NEDD4L: variants seen among roughly 807,000 people sequenced by gnomAD.
NEDD4L encodes E3 ubiquitin-protein ligase NEDD4-like.
In NEDD4L, 54 loss-of-function variants were observed where a neutral mutation model predicts 148.9. That is an observed-to-expected ratio of 0.36 (90% CI 0.29 to 0.45). The LOEUF is 0.45. NEDD4L is among the 20% of genes least tolerant of loss of function. The pLI is 1.00. For missense variants in NEDD4L, 856 were observed against 1,233.8 expected (o/e 0.69, Z 4.59); for synonymous variants, 433 against 440.7 (o/e 0.98, Z 0.22).
At position 58,198,856 on chromosome 18, in the gene NEDD4L, G is replaced by T. The variant is rs78157791; in HGVS notation, c.122+32995G>T. On this transcript the variant is annotated intron_variant, in intron 2 of 30. Transcript: ENST00000400345. Reference sequence around the variant, plus strand: ...TTTCACTCTGTCACCCAGGTCTGGAGTGCAGTGGCGCAATCTCCGCTCACA... The same window carrying T: ...TTTCACTCTGTCACCCAGGTCTGGATTGCAGTGGCGCAATCTCCGCTCACA... Among the ~76,000 whole-genome samples the T allele has an allele frequency of 4.3e-3, 650 of 152,296 alleles. 10 individuals carry two copies. The East Asian group carries it at 0.051, about 12-fold the overall frequency.
intron 2 of NEDD4L, among the ~76,000 whole-genome samples, chr18:58,172,511 C>G (rs2037635216): frequency 6.6e-6 from 1 of 152,140 alleles, no homozygotes; most frequent in Non-Finnish European, 1.5e-5. Context: ...CTCGTTGGGT[C>G]CTCCCAGCAA....
chr18:58,310,718 C>T (rs1450025429), intron 5 of NEDD4L, among the ~76,000 whole-genome samples: 1 of 152,208 alleles, frequency 6.6e-6, no homozygotes, highest in Non-Finnish European at 1.5e-5. Context: ...GGAAAAGGAA[C>T]ATTCTGCCTT....
At chr18:58,220,885 C>T (rs113768052) in intron 2 of NEDD4L, among the ~76,000 whole-genome samples, 2 of 152,106 alleles carry the variant, frequency 1.3e-5, no homozygotes, top group African/African-American at 4.8e-5. Context: ...ACCCCTCAAA[C>T]GAGGACATGG....
Position 58,335,461 on chromosome 18 carries a change from T to C in NEDD4L, c.1066-17T>C. ...ATCCCCTAAGTGCATTTCACTGATG[T>C]AAATTATCATTCACAGCCCAGTGCC... On this transcript the variant is annotated splice_polypyrimidine_tract_variant and intron_variant, in intron 12 of 30. Coordinates refer to ENST00000400345, the MANE Select transcript of NEDD4L (RefSeq NM_001144967.3). The C allele has an allele frequency of 1.1e-5, 17 of 1,611,194 alleles. No individual in the cohort carries two copies. Among genetic ancestry groups the C allele is most frequent in the Non-Finnish European group, 1.4e-5 (17 of 1,177,452 alleles).
chr18:58,056,907 T>TTTTG lies in NEDD4L; in HGVS notation c.48+12211_48+12214dup, dbSNP rs1555677526. ...GAGCTATGCCCTCTTTTTTTTTTTT[T>TTTTG]TTTGTTTGTTTGTTTATAACTGTGT... On this transcript the variant is annotated intron_variant, in intron 1 of 30. Transcript: ENST00000400345. 5.3e-3 allele frequency among the ~76,000 whole-genome samples: 787 copies of TTTTG among 148,126 alleles called. 12 individuals carry two copies. The highest frequency in any genetic ancestry group is 0.018 in the African/African-American group (718 of 39,760).
chr18:58,318,428 A>T (rs2058484001), intron 6 of NEDD4L, among the ~76,000 whole-genome samples: 1 of 152,194 alleles, frequency 6.6e-6, no homozygotes, highest in African/African-American at 2.4e-5. Flanking sequence ...ATGGTGGCAC[A>T]TGCCTGTTGC....
At chr18:58,121,216 A>G (rs1256853431) in intron 1 of NEDD4L, among the ~76,000 whole-genome samples, 1 of 152,126 alleles carries the variant, frequency 6.6e-6, no homozygotes, top group African/African-American at 2.4e-5. Flanking sequence ...AAGGATTCTC[A>G]CGTGTGTTAT....
At chr18:58,090,947 G>A (rs920216706) in intron 1 of NEDD4L, 4 of 152,362 alleles carry the variant, frequency 2.6e-5, no homozygotes, top group African/African-American at 9.6e-5. Context: ...CAGGTCCCCT[G>A]TCCAGGAAGT....
At chr18:58,202,610 C>T (rs1173091390) in intron 2 of NEDD4L, among the ~76,000 whole-genome samples, 1 of 152,222 alleles carries the variant, frequency 6.6e-6, no homozygotes, top group Admixed American at 6.5e-5. Context: ...CCTCCTGGTG[C>T]GCTCCTCCAG....
intron 1 of NEDD4L, among the ~76,000 whole-genome samples, chr18:58,080,301 C>T (rs1599122755): frequency 6.6e-6 from 1 of 152,358 alleles, no homozygotes; most frequent in East Asian, 1.9e-4. Flanking sequence ...AGCAGTTTCA[C>T]ACGAGCGTCT....
intron 1 of NEDD4L, among the ~76,000 whole-genome samples, chr18:58,073,600 A>G (rs1186400218): frequency 6.6e-6 from 1 of 152,244 alleles, no homozygotes; most frequent in Non-Finnish European, 1.5e-5. Context: ...TAGGTGAAAG[A>G]AGTCAGACAC....
chr18:58,122,037 T>C lies in NEDD4L; in HGVS notation c.49-43751T>C, dbSNP rs184060465. On this transcript the variant is annotated intron_variant, in intron 1 of 30. Transcript: ENST00000400345. Reference sequence around the variant, plus strand: ...TCGTTCTGCTCAGAGCTTTGTTTTATTAAAATCAGTGCCTGGGAGTTGCTC... The same window carrying C: ...TCGTTCTGCTCAGAGCTTTGTTTTACTAAAATCAGTGCCTGGGAGTTGCTC... 5.9e-5 allele frequency among the ~76,000 whole-genome samples: 9 copies of C among 152,386 alleles called. No individual in the cohort carries two copies. In the East Asian group the frequency reaches 1.7e-3, roughly 29 times the overall value.
chr18:58,395,027 A>C (rs957018495), intron 30 of NEDD4L, among the ~76,000 whole-genome samples: 1 of 152,152 alleles, frequency 6.6e-6, no homozygotes, highest in Non-Finnish European at 1.5e-5. Context: ...CAAGTTACCT[A>C]ACCTTGCTGT....
chr18:58,238,640 A>T (rs2046293639), intron 2 of NEDD4L, among the ~76,000 whole-genome samples: 1 of 152,130 alleles, frequency 6.6e-6, no homozygotes, highest in East Asian at 1.9e-4. Context: ...CTTATTATAT[A>T]TGATGCTGTA....
At chr18:58,259,245 AATAC>A (rs1231367796) in intron 5 of NEDD4L, among the ~76,000 whole-genome samples, 2 of 152,254 alleles carry the variant, frequency 1.3e-5, no homozygotes, top group African/African-American at 4.8e-5. Flanking sequence ...TATTAGAAAA[AATAC>A]AGGGGAAACC....
At chr18:58,329,341 G>C (rs887191375) in intron 10 of NEDD4L, among the ~76,000 whole-genome samples, 21 of 152,196 alleles carry the variant, frequency 1.4e-4, no homozygotes, top group Admixed American at 3.9e-4. Flanking sequence ...TTATAGAAAT[G>C]GGAATAACAT....
intron 2 of NEDD4L, among the ~76,000 whole-genome samples, chr18:58,216,760 AGAG>A (rs2043193898): frequency 6.6e-6 from 1 of 152,178 alleles, no homozygotes; most frequent in South Asian, 2.1e-4. Flanking sequence ...AGATGGTGGT[AGAG>A]GAGAATGGAG....
chr18:58,105,379 C>T (rs2085010390), intron 1 of NEDD4L, among the ~76,000 whole-genome samples: 1 of 152,130 alleles, frequency 6.6e-6, no homozygotes, highest in South Asian at 2.1e-4. Context: ...TTAGTGTATT[C>T]CCCTCTCCAC....
chr18:58,394,265 C>T (rs1027575525), intron 30 of NEDD4L, among the ~76,000 whole-genome samples: 1 of 152,224 alleles, frequency 6.6e-6, no homozygotes, highest in African/African-American at 2.4e-5. Flanking sequence ...GATGTTATGA[C>T]CCACTTTTTT....
Sources: gnomAD v4.1 joint callset for allele counts (sites outside exome capture counted in the v4.1 genomes callset) on GRCh38, gnomAD v4.1.1 for gene constraint, MANE v1.5 for transcripts, NCBI Gene and HGNC (gene_info 2026-07-23, HGNC 2026-07-21) for gene names.